The following SH3GL2 variants were observed in gnomAD, a reference collection of about 807,000 sequenced individuals.
SH3GL2 encodes the protein SH3 domain containing GRB2 like 2, endophilin A1.
In SH3GL2, 24 loss-of-function variants were observed where a neutral mutation model predicts 46.0. That is an observed-to-expected ratio of 0.52 (90% CI 0.38 to 0.73). The LOEUF (loss-of-function observed/expected upper bound fraction) is 0.73. Ranked by LOEUF, SH3GL2 falls within the 30% of genes least tolerant of loss-of-function variation. The pLI is 0.00. For synonymous variants in SH3GL2, 196 were observed against 147.1 expected (o/e 1.33, Z -2.40); for missense variants, 413 against 424.2 (o/e 0.97, Z 0.23).
chr9:17,697,373 G>A (rs1286820179), intron 1 of SH3GL2, among the ~76,000 whole-genome samples: 8 of 151,926 alleles, frequency 5.3e-5, no homozygotes, highest in African/African-American at 1.7e-4. Flanking sequence ...ACAGGTGCAC[G>A]CCACCATGCC....
chr9:17,643,435 G>A (rs1398628887), intron 1 of SH3GL2, among the ~76,000 whole-genome samples: 1 of 152,076 alleles, frequency 6.6e-6, no homozygotes, highest in East Asian at 1.9e-4. Context: ...AATAGGAGTG[G>A]TGAGATGTTG....
chr9:17,692,047 C>T (rs1007276774), intron 1 of SH3GL2, among the ~76,000 whole-genome samples: 1 of 152,026 alleles, frequency 6.6e-6, no homozygotes, highest in African/African-American at 2.4e-5. Flanking sequence ...GACCTGTGTG[C>T]ACATTTATTA....
intron 1 of SH3GL2, among the ~76,000 whole-genome samples, chr9:17,694,880 A>AT (rs532615506): frequency 4.9e-4 from 74 of 151,978 alleles, no homozygotes; most frequent in Non-Finnish European, 8.7e-4. Flanking sequence ...TTTTATTTTT[A>AT]TTTTTTCTGT....
intron 1 of SH3GL2, among the ~76,000 whole-genome samples, chr9:17,731,946 A>G (rs546673105): frequency 2.6e-5 from 4 of 152,262 alleles, no homozygotes; most frequent in Admixed American, 2.6e-4. Context: ...TTAAATGAAC[A>G]AGTGGTAGAA....
chr9:17,622,591 C>CA (rs547393582), intron 1 of SH3GL2, among the ~76,000 whole-genome samples: 20 of 149,862 alleles, frequency 1.3e-4, no homozygotes, highest in African/African-American at 2.2e-4. Context: ...CTACAAAGAC[C>CA]AAAAAAAAAG....
chr9:17,697,452 G>T, intron 1 of SH3GL2, among the ~76,000 whole-genome samples: 1 of 152,058 alleles, frequency 6.6e-6, no homozygotes, highest in South Asian at 2.1e-4. Flanking sequence ...TCCAACTCCT[G>T]ACCTCGTGAT....
At chr9:17,688,815 C>G (rs970409986) in intron 1 of SH3GL2, among the ~76,000 whole-genome samples, 5 of 152,112 alleles carry the variant, frequency 3.3e-5, no homozygotes, top group Middle Eastern at 3.4e-3. Flanking sequence ...TGAGTTCATA[C>G]TGATGGAAGT....
chr9:17,611,159 AGTATC>A (rs1446351731), intron 1 of SH3GL2, among the ~76,000 whole-genome samples: 1 of 152,198 alleles, frequency 6.6e-6, no homozygotes, highest in African/African-American at 2.4e-5. Flanking sequence ...GCAAATAGGA[AGTATC>A]GATCATTGGT....
intron 1 of SH3GL2, among the ~76,000 whole-genome samples, chr9:17,712,236 T>C (rs1206497169): frequency 6.6e-6 from 1 of 151,862 alleles, no homozygotes; most frequent in Non-Finnish European, 1.5e-5. Context: ...GATATGCTTG[T>C]AAATATTTTC....
intron 1 of SH3GL2, among the ~76,000 whole-genome samples, chr9:17,588,759 A>C (rs1818425993): frequency 6.6e-6 from 1 of 152,232 alleles, no homozygotes; most frequent in African/African-American, 2.4e-5. Context: ...CCAGACTTCT[A>C]ATTTATAGAA....
intron 1 of SH3GL2, among the ~76,000 whole-genome samples, chr9:17,660,847 G>T (rs1055691757): frequency 6.6e-6 from 1 of 152,136 alleles, no homozygotes; most frequent in South Asian, 2.1e-4. Flanking sequence ...GAACAATTAG[G>T]TTAATTACAA....
At chr9:17,710,436 A>G (rs1431371237) in intron 1 of SH3GL2, among the ~76,000 whole-genome samples, 1 of 151,986 alleles carries the variant, frequency 6.6e-6, no homozygotes, top group Admixed American at 6.6e-5. Flanking sequence ...ATGGTCAGGT[A>G]TTCCTTCTAG....
At chr9:17,592,848 A>C (rs1400512971) in intron 1 of SH3GL2, among the ~76,000 whole-genome samples, 2 of 152,178 alleles carry the variant, frequency 1.3e-5, no homozygotes, top group African/African-American at 4.8e-5. Flanking sequence ...ACTGTTCACC[A>C]GAAAGACCAA....
At chr9:17,666,545 C>CGT (rs71331502) in intron 1 of SH3GL2, among the ~76,000 whole-genome samples, 17,920 of 141,898 alleles carry the variant, frequency 0.13, 1,250 homozygotes, top group Admixed American at 0.2. Flanking sequence ...ACAAAGGTAA[C>CGT]GTGTGTGTGT....
At chr9:17,692,874 G>A (rs1349047194) in intron 1 of SH3GL2, among the ~76,000 whole-genome samples, 1 of 152,016 alleles carries the variant, frequency 6.6e-6, no homozygotes, top group East Asian at 1.9e-4. Context: ...ACATGGTGGT[G>A]GCAAGAGAAA....
chr9:17,665,051 C>T (rs1820309483), intron 1 of SH3GL2, among the ~76,000 whole-genome samples: 1 of 152,080 alleles, frequency 6.6e-6, no homozygotes. Context: ...TACCTTGATT[C>T]ACCAGTGTTC....
intron 2 of SH3GL2, among the ~76,000 whole-genome samples, chr9:17,754,271 G>A (rs1218540077): frequency 6.6e-6 from 1 of 152,200 alleles, no homozygotes; most frequent in Non-Finnish European, 1.5e-5. Flanking sequence ...GCTTTGAGCA[G>A]TATGGCCATT....
rs1824267160 is a variant in SH3GL2 at position 17,796,062 on chromosome 9, A to G, written c.*319A>G. 3.6e-6 allele frequency: 1 copy of G among 276,156 alleles called. No individual in the cohort carries two copies. The highest frequency in any genetic ancestry group is 4.7e-5 in the Admixed American group (1 of 21,082). 17.1% of individuals were successfully genotyped at this position (276,156 alleles called of 1,614,324 possible). On this transcript the variant is annotated 3_prime_UTR_variant, in exon 9 of 9. Coordinates refer to ENST00000380607, the MANE Select transcript of SH3GL2 (RefSeq NM_003026.5). Reference sequence around the variant, plus strand: ...TGACCATGAGCCATTTCACAGAAAAACCATCCCACCGAAGATATTGTCTAT... The same window carrying G: ...TGACCATGAGCCATTTCACAGAAAAGCCATCCCACCGAAGATATTGTCTAT...
At chr9:17,672,198 A>T (rs1204901232) in intron 1 of SH3GL2, among the ~76,000 whole-genome samples, 7 of 152,210 alleles carry the variant, frequency 4.6e-5, no homozygotes, top group Non-Finnish European at 1.0e-4. Context: ...AAAAAGGTGC[A>T]TACAGATATG....
Sources: allele counts gnomAD v4.1 joint callset (sites outside exome capture counted in the v4.1 genomes callset), GRCh38; gene constraint gnomAD v4.1.1; transcripts MANE v1.5; gene names NCBI Gene and HGNC (gene_info 2026-07-23, HGNC 2026-07-21).